ATXN2: variants seen among roughly 807,000 people sequenced by gnomAD.
ATXN2 encodes ataxin 2.
In ATXN2, 37 loss-of-function variants were observed where a neutral mutation model predicts 138.6. That is an observed-to-expected ratio of 0.27 (90% CI 0.21 to 0.35). The LOEUF (loss-of-function observed/expected upper bound fraction) is 0.35, where lower values mean the gene tolerates loss of function less well. Among genes scored for constraint, ATXN2 ranks in the 10% least tolerant of loss-of-function variants. The probability of loss-of-function intolerance (pLI) is 1.00; values close to 1 mark genes in which losing one functional copy is unlikely to be tolerated. For synonymous variants in ATXN2, 549 were observed against 543.7 expected, an observed-to-expected ratio of 1.01 and a Z score of -0.13; for missense variants, 1,216 against 1,480.3, an observed-to-expected ratio of 0.82 and a Z score of 2.93.
intron 16 of ATXN2, 59 bp downstream of exon 16, chr12:111,486,702 T>C (rs1206447868): frequency 7.1e-7 from 1 of 1,410,764 alleles, no homozygotes; most frequent in African/African-American, 1.4e-5. Flanking sequence ...AGAAGGACTA[T>C]TACTAATAAT....
chr12:111,586,570 T>C (rs981154753), intron 1 of ATXN2, among the ~76,000 whole-genome samples: 3 of 152,010 alleles, frequency 2.0e-5, no homozygotes, highest in Non-Finnish European at 4.4e-5. Context: ...GTATTTTTAG[T>C]AGAGATGGGG....
At chr12:111,597,678 G>A (rs1445046044) in intron 1 of ATXN2, 2 of 484,562 alleles carry the variant, frequency 4.1e-6, no homozygotes, top group African/African-American at 2.0e-5. Context: ...AGTTAGCCGG[G>A]ACAACACTGA....
At chr12:111,579,997 G>A (rs1184318060) in intron 1 of ATXN2, among the ~76,000 whole-genome samples, 8 of 152,104 alleles carry the variant, frequency 5.3e-5, no homozygotes, top group Non-Finnish European at 1.0e-4. Flanking sequence ...ACTGGGCCCA[G>A]CCAGAGATAA....
At chr12:111,530,896 C>T (rs950035236) in intron 5 of ATXN2, among the ~76,000 whole-genome samples, 2 of 152,082 alleles carry the variant, frequency 1.3e-5, no homozygotes, top group Non-Finnish European at 2.9e-5. Flanking sequence ...GAGGCCGAGG[C>T]GGGCGGATCA....
At chr12:111,507,787 T>C (rs1303760460) in intron 14 of ATXN2, among the ~76,000 whole-genome samples, 1 of 152,228 alleles carries the variant, frequency 6.6e-6, no homozygotes, top group Non-Finnish European at 1.5e-5. Flanking sequence ...GAAGTAGACA[T>C]GGTAGACTTT....
intron 1 of ATXN2, among the ~76,000 whole-genome samples, chr12:111,588,962 T>C (rs1285470671): frequency 7.9e-5 from 9 of 114,266 alleles, no homozygotes; most frequent in African/African-American, 2.9e-4. Flanking sequence ...GTCACCGCAC[T>C]CTAGCCTGGG....
At chr12:111,459,651 G>C (rs902009520) in intron 21 of ATXN2, among the ~76,000 whole-genome samples, 2 of 152,130 alleles carry the variant, frequency 1.3e-5, no homozygotes, top group African/African-American at 4.8e-5. Flanking sequence ...TGTTGGCCAG[G>C]CTGGTCTCGA....
Position 111,598,321 on chromosome 12 carries a change from G to T in ATXN2, c.251+463C>A, listed in dbSNP as rs1885042719. 1 of 996,420 alleles carries T rather than the reference G, an allele frequency of 1.0e-6. No individual in the cohort carries two copies. The highest frequency in any genetic ancestry group is 1.2e-6 in the Non-Finnish European group (1 of 836,390). 61.7% of individuals were successfully genotyped at this position (996,420 alleles called of 1,614,324 possible). A position where few individuals can be genotyped will look rare whatever the true frequency, so the allele number is the denominator to read the frequency against. ...GCGGCCCTAACTTCTCCCCTCCAGAGATGTCCCCCATGGAGGGGGACATGT... is the reference window on the plus strand; with the variant it reads ...GCGGCCCTAACTTCTCCCCTCCAGATATGTCCCCCATGGAGGGGGACATGT... On this transcript the variant is annotated intron_variant, in intron 1 of 24. Coordinates refer to ENST00000673436, the MANE Select transcript of ATXN2 (RefSeq NM_001372574.1). This position sits in a 1 kb window ranked among gnomAD's most constrained non-coding sequence, Gnocchi z 4.5.
At chr12:111,533,279 A>C (rs935289577) in intron 5 of ATXN2, among the ~76,000 whole-genome samples, 1 of 152,206 alleles carries the variant, frequency 6.6e-6, no homozygotes, top group Admixed American at 6.5e-5. Context: ...TTCAGCATCT[A>C]TGGGGGATTG....
At chr12:111,576,015 G>C (rs190145307) in intron 1 of ATXN2, among the ~76,000 whole-genome samples, 1 of 152,188 alleles carries the variant, frequency 6.6e-6, no homozygotes, top group East Asian at 1.9e-4. Flanking sequence ...CTGGGAGGCG[G>C]AGGTTGCAGT....
At chr12:111,524,520 TC>T (rs1880373399) in intron 6 of ATXN2, among the ~76,000 whole-genome samples, 2 of 152,202 alleles carry the variant, frequency 1.3e-5, no homozygotes, top group Admixed American at 1.3e-4. Flanking sequence ...GGACTCCAAC[TC>T]CTGGGCTCAA....
At chr12:111,567,614 G>A (rs537920134) in intron 1 of ATXN2, among the ~76,000 whole-genome samples, 6 of 152,072 alleles carry the variant, frequency 3.9e-5, no homozygotes, top group African/African-American at 1.4e-4. Context: ...AGGAATTCGA[G>A]ACCAGCCTGG....
intron 5 of ATXN2, among the ~76,000 whole-genome samples, chr12:111,538,275 G>C (rs2135765604): frequency 6.6e-6 from 1 of 152,142 alleles, no homozygotes; most frequent in South Asian, 2.1e-4. Context: ...TTTGTGAGAG[G>C]TACAAATTGG....
intron 1 of ATXN2, among the ~76,000 whole-genome samples, chr12:111,561,997 G>C (rs1294319087): frequency 6.6e-6 from 1 of 151,776 alleles, no homozygotes; most frequent in African/African-American, 2.4e-5. Context: ...ATTTTTAGTA[G>C]AGACAGGGTT....
chr12:111,507,705 T>A (rs1879247779), intron 14 of ATXN2, among the ~76,000 whole-genome samples: 1 of 152,218 alleles, frequency 6.6e-6, no homozygotes, highest in South Asian at 2.1e-4. Context: ...AATGGCGGCT[T>A]TGTGGAATAG....
intron 13 of ATXN2, 67 bp downstream of exon 13, chr12:111,509,824 G>C: frequency 8.2e-7 from 1 of 1,220,540 alleles, no homozygotes; most frequent in Non-Finnish European, 1.2e-6. Context: ...TATTCTGTAT[G>C]GGCATGAAAT....
chr12:111,561,230 C>T (rs1171114763), intron 1 of ATXN2, among the ~76,000 whole-genome samples: 1 of 150,810 alleles, frequency 6.6e-6, no homozygotes, highest in Non-Finnish European at 1.5e-5. Flanking sequence ...CATGGTGGCT[C>T]ATGCCTTAAT....
At chr12:111,592,152 G>A (rs972468857) in intron 1 of ATXN2, among the ~76,000 whole-genome samples, 5 of 151,522 alleles carry the variant, frequency 3.3e-5, no homozygotes, top group African/African-American at 1.2e-4. Context: ...CACTTTGGGA[G>A]GCCGAGGCAA....
intron 20 of ATXN2, among the ~76,000 whole-genome samples, chr12:111,465,943 A>G (rs926025960): frequency 1.3e-5 from 2 of 151,618 alleles, no homozygotes; most frequent in East Asian, 1.9e-4. Context: ...AGGTGGGTGG[A>G]TCACCTGAGG....
Sources: gnomAD v4.1 joint callset for allele counts (sites outside exome capture counted in the v4.1 genomes callset) on GRCh38, gnomAD v4.1.1 for gene constraint, Gnocchi (gnomAD v3.1) non-coding constraint, MANE v1.5 for transcripts, NCBI Gene and HGNC (gene_info 2026-07-23, HGNC 2026-07-21) for gene names.